The following ZC3H18 variants were observed in gnomAD, a reference collection of about 807,000 sequenced individuals.
ZC3H18 encodes the protein zinc finger CCCH-type containing 18.
Under a neutral mutation model 106.1 loss-of-function variants are expected in ZC3H18, and 8 were observed. That is an observed-to-expected ratio of 0.08 (90% CI 0.04 to 0.14). ZC3H18 has a LOEUF of 0.14. ZC3H18 is among the 10% of genes least tolerant of loss of function. ZC3H18 has a pLI of 1.00. For missense variants in ZC3H18, 1,318 were observed against 1,278.4 expected, an observed-to-expected ratio of 1.03 and a Z score of -0.47; for synonymous variants, 635 against 522.1, an observed-to-expected ratio of 1.22 and a Z score of -2.95.
At chr16:88,588,642 C>G (rs1915572493) in intron 3 of ZC3H18, among the ~76,000 whole-genome samples, 1 of 152,102 alleles carries the variant, frequency 6.6e-6, no homozygotes, top group Non-Finnish European at 1.5e-5. Flanking sequence ...GCAAGTGAGA[C>G]CATGTGGAAG....
intron 5 of ZC3H18, among the ~76,000 whole-genome samples, 177 bp from the exon 6 acceptor site, chr16:88,599,612 CTG>C (rs1904637643): frequency 1.3e-5 from 2 of 152,314 alleles, no homozygotes; most frequent in South Asian, 4.1e-4. Flanking sequence ...CGGGCACAGA[CTG>C]CCCTCCCCAG....
At position 88,627,489 on chromosome 16, in the gene ZC3H18, C is replaced by T. The variant is rs1283407076; in HGVS notation, c.2109-133C>T. On this transcript the variant is annotated intron_variant, in intron 13 of 17. Transcript: ENST00000301011. The surrounding 1 kb of genome is among the most constrained non-coding windows in gnomAD (Gnocchi z 4.5). Reference sequence around the variant, plus strand: ...TGTAACCCTGAAACTGCCCAGTGTCCCCCCAAAATCACACATTCCGTGGGT... The same window carrying T: ...TGTAACCCTGAAACTGCCCAGTGTCTCCCCAAAATCACACATTCCGTGGGT... The T allele has an allele frequency of 4.0e-6, 5 of 1,262,860 alleles. No individual in the cohort carries two copies. The highest frequency in any genetic ancestry group is 3.2e-5 in the South Asian group (2 of 62,916). The allele number at this position is 1,262,860 out of a possible 1,614,324, so 78.2% of individuals were successfully genotyped here. A position where few individuals can be genotyped will look rare whatever the true frequency, so the allele number is the denominator to read the frequency against.
At position 88,579,335 on chromosome 16, in the gene ZC3H18, T is replaced by C. The variant is rs553363894; in HGVS notation, c.603+1609T>C. ...CCCATGAGACTGAGTTTTTGTGTCC[T>C]GGGGGTAACAGCCCTGTCTGCACCA... On this transcript the variant is annotated intron_variant, in intron 2 of 17. Coordinates refer to ENST00000301011, the MANE Select transcript of ZC3H18 (RefSeq NM_144604.4). Among the ~76,000 whole-genome samples, 42 of 152,218 alleles carry C rather than the reference T, an allele frequency of 2.8e-4. No homozygotes were observed. The South Asian group carries it at 8.1e-3, about 29-fold the overall frequency.
intron 8 of ZC3H18, among the ~76,000 whole-genome samples, chr16:88,621,958 G>A (rs1317827597): frequency 6.6e-6 from 1 of 152,194 alleles, no homozygotes. Context: ...TCTGGTTCAG[G>A]AGAAATCTGG....
At chr16:88,590,923 A>C (rs992495249) in intron 3 of ZC3H18, among the ~76,000 whole-genome samples, 1 of 148,946 alleles carries the variant, frequency 6.7e-6, no homozygotes, top group African/African-American at 2.5e-5. Context: ...TTTGGGTCTG[A>C]TCTCCTTGGC....
chr16:88,628,975 T>A, intron 16 of ZC3H18, 121 bp downstream of exon 16: 1 of 845,372 alleles, frequency 1.2e-6, no homozygotes, highest in Non-Finnish European at 1.9e-6. Context: ...AACATCTGAC[T>A]TGCAGATGAT....
intron 15 of ZC3H18, among the ~76,000 whole-genome samples, chr16:88,628,413 C>T (rs1906450977): frequency 6.6e-6 from 1 of 152,166 alleles, no homozygotes. Flanking sequence ...TACAGGAAGC[C>T]TCCGTCCCTG....
At position 88,627,568 on chromosome 16, in the gene ZC3H18, T is replaced by TGGCCCCTCCC; in HGVS notation, c.2109-53_2109-44dup. On this transcript the variant is annotated intron_variant, in intron 13 of 17. Transcript: ENST00000301011. The surrounding 1 kb of genome is among the most constrained non-coding windows in gnomAD (Gnocchi z 4.5). ...AAGTGGACCATGGAGCACCCCCTGC[T>TGGCCCCTCCC]GGCCCCTCCCTCCAGTCTGGCTGGG... 6.4e-7 allele frequency: 1 copy of TGGCCCCTCCC among 1,554,068 alleles called. No homozygotes were observed. Among genetic ancestry groups the TGGCCCCTCCC allele is most frequent in the Non-Finnish European group, 8.7e-7 (1 of 1,145,294 alleles).
intron 8 of ZC3H18, among the ~76,000 whole-genome samples, chr16:88,618,705 C>T (rs369428807): frequency 6.6e-6 from 1 of 152,282 alleles, no homozygotes; most frequent in South Asian, 2.1e-4. Context: ...TGGCCTTCAA[C>T]GGGGAATGGG....
intron 5 of ZC3H18, among the ~76,000 whole-genome samples, chr16:88,599,510 G>C (rs184342012): frequency 6.6e-6 from 1 of 152,226 alleles, no homozygotes; most frequent in Non-Finnish European, 1.5e-5. Flanking sequence ...CTGAGTGACT[G>C]AACCCTGGAT....
At chr16:88,622,472 G>A in intron 9 of ZC3H18, 84 bp downstream of exon 9, 1 of 1,424,088 alleles carries the variant, frequency 7.0e-7, no homozygotes, top group Non-Finnish European at 9.4e-7. Context: ...GTCAGGTGGG[G>A]AACACCCCAG....
intron 2 of ZC3H18, among the ~76,000 whole-genome samples, chr16:88,580,656 C>T (rs952071519): frequency 6.6e-6 from 1 of 152,196 alleles, no homozygotes; most frequent in African/African-American, 2.4e-5. Flanking sequence ...GGCCCTGCTG[C>T]ATTCCTGCCC....
chr16:88,623,212 GC>G lies in ZC3H18; in HGVS notation c.1668-3del. 6.2e-7 allele frequency: 1 copy of G among 1,611,414 alleles called. No homozygotes were observed. On this transcript the variant is annotated splice_polypyrimidine_tract_variant and splice_region_variant and intron_variant, in intron 9 of 17. Coordinates refer to ENST00000301011, the MANE Select transcript of ZC3H18 (RefSeq NM_144604.4). The stretch of plus-strand genomic sequence containing the variant: ...CTTCTCGCCACGCTCCGTCCCGCCC[GC>G]CCCAGGTCGTCTTCGCGGTCATCGT...
chr16:88,631,042 C>T, intron 17 of ZC3H18, 59 bp from the exon 18 acceptor site: 1 of 1,602,942 alleles, frequency 6.2e-7, no homozygotes, highest in South Asian at 1.1e-5. Context: ...GGGGAGGTCA[C>T]CCCTTCCACC....
intron 7 of ZC3H18, 151 bp from the exon 8 acceptor site, chr16:88,611,117 G>A (rs1181525922): frequency 1.0e-5 from 7 of 674,892 alleles, no homozygotes; most frequent in South Asian, 8.8e-5. Flanking sequence ...AATCATAGTC[G>A]GGAGCACTTG....
At chr16:88,591,143 G>A (rs1168366884) in intron 3 of ZC3H18, among the ~76,000 whole-genome samples, 2 of 151,884 alleles carry the variant, frequency 1.3e-5, no homozygotes, top group Non-Finnish European at 2.9e-5. Context: ...GGTAATTTTT[G>A]TAGTTTTTGG....
At chr16:88,578,747 A>T (rs528420321) in intron 2 of ZC3H18, among the ~76,000 whole-genome samples, 73 of 152,232 alleles carry the variant, frequency 4.8e-4, no homozygotes, top group Non-Finnish European at 8.2e-4. Flanking sequence ...GCTGGAGTGC[A>T]GTGGCGCCAT....
At chr16:88,578,758 C>G (rs1003370300) in intron 2 of ZC3H18, among the ~76,000 whole-genome samples, 2 of 152,160 alleles carry the variant, frequency 1.3e-5, no homozygotes, top group East Asian at 1.9e-4. Flanking sequence ...GTGGCGCCAT[C>G]TCAGCTCACT....
chr16:88,623,123 G>GTC (rs1466807809), intron 9 of ZC3H18, 96 bp from the exon 10 acceptor site: 2 of 1,510,128 alleles, frequency 1.3e-6, no homozygotes, highest in Non-Finnish European at 1.8e-6. Flanking sequence ...GTAGCTGTGC[G>GTC]TCTGTGGGTG....
Sources: gnomAD v4.1 joint callset for allele counts (sites outside exome capture counted in the v4.1 genomes callset) on GRCh38, gnomAD v4.1.1 for gene constraint, Gnocchi (gnomAD v3.1) non-coding constraint, MANE v1.5 for transcripts, NCBI Gene and HGNC (gene_info 2026-07-23, HGNC 2026-07-21) for gene names.